TAFA1: variants seen among roughly 807,000 people sequenced by gnomAD.
TAFA1 encodes the protein chemokine-like protein TAFA-1.
Under a neutral mutation model 18.5 loss-of-function variants are expected in TAFA1, and 4 were observed. The ratio of observed to expected loss-of-function variants is 0.22; its 90% confidence interval spans 0.11 to 0.49. TAFA1 has a LOEUF of 0.49. TAFA1 is among the 20% of genes least tolerant of loss of function. The probability of loss-of-function intolerance (pLI) is 0.98; values close to 1 mark genes in which losing one functional copy is unlikely to be tolerated. For synonymous variants in TAFA1, 56 were observed against 55.2 expected, an observed-to-expected ratio of 1.01 and a Z score of -0.06; for missense variants, 147 against 169.0, an observed-to-expected ratio of 0.87 and a Z score of 0.72.
At chr3:68,472,179 A>C (rs1408425037) in intron 3 of TAFA1, among the ~76,000 whole-genome samples, 1 of 152,146 alleles carries the variant, frequency 6.6e-6, no homozygotes, top group Non-Finnish European at 1.5e-5. Context: ...TCAAGTATAG[A>C]TAATTGAATC....
chr3:68,407,860 G>A (rs1054087178), intron 2 of TAFA1, among the ~76,000 whole-genome samples: 7 of 152,176 alleles, frequency 4.6e-5, no homozygotes, highest in African/African-American at 1.7e-4. Context: ...ATGGGAATTT[G>A]TTTAATCTCA....
chr3:68,086,713 A>G (rs1249663675), intron 2 of TAFA1, among the ~76,000 whole-genome samples: 1 of 152,208 alleles, frequency 6.6e-6, no homozygotes, highest in Non-Finnish European at 1.5e-5. Context: ...GCTTTTGCCA[A>G]TAATAATGAT....
intron 2 of TAFA1, among the ~76,000 whole-genome samples, chr3:68,294,265 A>C (rs1377159665): frequency 1.3e-5 from 2 of 152,244 alleles, no homozygotes; most frequent in African/African-American, 4.8e-5. Context: ...TGTTACTTTA[A>C]ATTTTCATGT....
At chr3:68,268,160 A>C (rs1263313837) in intron 2 of TAFA1, among the ~76,000 whole-genome samples, 1 of 152,152 alleles carries the variant, frequency 6.6e-6, no homozygotes, top group Non-Finnish European at 1.5e-5. Context: ...TAAAGTTCTA[A>C]GGTATTTGAC....
intron 2 of TAFA1, among the ~76,000 whole-genome samples, chr3:68,042,989 G>A (rs1298553452): frequency 2.6e-5 from 4 of 152,086 alleles, no homozygotes; most frequent in Non-Finnish European, 4.4e-5. Context: ...ACGGGTTCAA[G>A]CAATTCTGCC....
At chr3:68,478,647 G>A (rs1474905923) in intron 3 of TAFA1, among the ~76,000 whole-genome samples, 2 of 151,988 alleles carry the variant, frequency 1.3e-5, no homozygotes, top group Non-Finnish European at 2.9e-5. Context: ...TATTGCAAGT[G>A]GTCCTCAACT....
At chr3:68,080,366 C>T (rs1386392574) in intron 2 of TAFA1, among the ~76,000 whole-genome samples, 2 of 151,490 alleles carry the variant, frequency 1.3e-5, no homozygotes, top group African/African-American at 4.9e-5. Context: ...ATGAGGTTAG[C>T]TGGTTATTTT....
chr3:68,264,097 C>T (rs1229270349), intron 2 of TAFA1, among the ~76,000 whole-genome samples: 2 of 151,922 alleles, frequency 1.3e-5, no homozygotes, highest in East Asian at 3.9e-4. Context: ...GGTGAAGCCC[C>T]ATCTCTACTA....
chr3:68,184,467 G>A (rs142126778), intron 2 of TAFA1, among the ~76,000 whole-genome samples: 74 of 152,236 alleles, frequency 4.9e-4, no homozygotes, highest in African/African-American at 1.7e-3. Context: ...GTGCATGTGT[G>A]TGTGTGAAAG....
In TAFA1 at chr3:68,157,875, A is replaced by G. The variant is rs528986234; in HGVS notation, c.118+151131A>G. On this transcript the variant is annotated intron_variant, in intron 2 of 4. Coordinates refer to ENST00000478136, the MANE Select transcript of TAFA1 (RefSeq NM_213609.4). ...CTACTTGGTTTGAAGGATTTGAGTT[A>G]TAATAATGAAAAACTGTGTCTTGTT... 2.3e-4 allele frequency among the ~76,000 whole-genome samples: 35 copies of G among 152,336 alleles called. No homozygotes were observed. In the East Asian group the frequency reaches 5.2e-3, roughly 23 times the overall value.
Position 68,103,821 on chromosome 3 carries a change from T to G in TAFA1, c.118+97077T>G, listed in dbSNP as rs115692006. Reference sequence around the variant, plus strand: ...CAACCTTCAGTTCTCATTGAACCTATGAAGTGGGTACTTTTATTACCTCAT... The same window carrying G: ...CAACCTTCAGTTCTCATTGAACCTAGGAAGTGGGTACTTTTATTACCTCAT... On this transcript the variant is annotated intron_variant, in intron 2 of 4. Transcript: ENST00000478136. Among the ~76,000 whole-genome samples, 423 of 152,310 alleles carry G rather than the reference T, an allele frequency of 2.8e-3. 3 individuals are homozygous for G. The highest frequency in any genetic ancestry group is 9.8e-3 in the African/African-American group (406 of 41,574).
chr3:68,064,788 T>C (rs1345735503), intron 2 of TAFA1, among the ~76,000 whole-genome samples: 1 of 152,026 alleles, frequency 6.6e-6, no homozygotes, highest in Non-Finnish European at 1.5e-5. Flanking sequence ...ATATTAATGA[T>C]AAAGTTGTCT....
At chr3:68,145,055 G>A in intron 2 of TAFA1, 1 of 1,605,872 alleles carries the variant, frequency 6.2e-7, no homozygotes, top group African/African-American at 1.3e-5. Context: ...AAAGTTGCTG[G>A]ATCAGTGCGA....
At chr3:68,193,297 T>C (rs1278761035) in intron 2 of TAFA1, among the ~76,000 whole-genome samples, 2 of 151,808 alleles carry the variant, frequency 1.3e-5, no homozygotes, top group Admixed American at 6.6e-5. Context: ...GATTATTTTG[T>C]AATAAAAAGG....
At chr3:68,249,470 C>T (rs2067149139) in intron 2 of TAFA1, among the ~76,000 whole-genome samples, 1 of 152,122 alleles carries the variant, frequency 6.6e-6, no homozygotes, top group African/African-American at 2.4e-5. Context: ...TCACAACTGT[C>T]AGGGCTTGAG....
At chr3:68,532,980 A>T (rs565479089) in intron 3 of TAFA1, among the ~76,000 whole-genome samples, 134 of 151,788 alleles carry the variant, frequency 8.8e-4, no homozygotes, top group African/African-American at 3.0e-3. Flanking sequence ...ACCTGGGAAA[A>T]AGAGACACCA....
chr3:68,208,665 C>T (rs1185098547), intron 2 of TAFA1, among the ~76,000 whole-genome samples: 1 of 151,902 alleles, frequency 6.6e-6, no homozygotes, highest in Admixed American at 6.6e-5. Flanking sequence ...TAACCTCTAT[C>T]TTTTCAGGGC....
chr3:68,287,871 T>C (rs987973999), intron 2 of TAFA1, among the ~76,000 whole-genome samples: 2 of 143,774 alleles, frequency 1.4e-5, no homozygotes, highest in African/African-American at 5.0e-5. Context: ...ACAGGCTTAC[T>C]TCTCAGGTCT....
chr3:68,157,000 G>T (rs755989511), intron 2 of TAFA1, among the ~76,000 whole-genome samples: 10 of 152,042 alleles, frequency 6.6e-5, no homozygotes, highest in Admixed American at 2.0e-4. Context: ...AATGTTCTCA[G>T]GTTCTTTCTG....
Sources: gnomAD v4.1 joint callset for allele counts (sites outside exome capture counted in the v4.1 genomes callset) on GRCh38, gnomAD v4.1.1 for gene constraint, MANE v1.5 for transcripts, NCBI Gene and HGNC (gene_info 2026-07-23, HGNC 2026-07-21) for gene names.